The following HDLBP variants were observed in gnomAD, a reference collection of about 807,000 sequenced individuals.
HDLBP encodes the protein vigilin.
Under a neutral mutation model 137.3 loss-of-function variants are expected in HDLBP, and 30 were observed. That is an observed-to-expected ratio of 0.22 (90% CI 0.16 to 0.30). The LOEUF (loss-of-function observed/expected upper bound fraction) is 0.30, where lower values mean the gene tolerates loss of function less well. Among genes scored for constraint, HDLBP ranks in the 10% least tolerant of loss-of-function variants. The probability of loss-of-function intolerance (pLI) is 1.00; values close to 1 mark genes in which losing one functional copy is unlikely to be tolerated. For missense variants in HDLBP, 1,119 were observed against 1,667.3 expected, an observed-to-expected ratio of 0.67 and a Z score of 5.73; for synonymous variants, 606 against 596.0, an observed-to-expected ratio of 1.02 and a Z score of -0.24.
chr2:241,310,272 C>T (rs1654462509), intron 1 of HDLBP, among the ~76,000 whole-genome samples: 1 of 152,144 alleles, frequency 6.6e-6, no homozygotes, highest in Admixed American at 6.5e-5. Flanking sequence ...TTGAGAATAA[C>T]TTCCAGAAAG....
Position 241,259,187 on chromosome 2 carries a change from A to C in HDLBP, c.451-2381T>G, listed in dbSNP as rs147916556. On this transcript the variant is annotated intron_variant, in intron 5 of 27. Coordinates refer to ENST00000310931, the MANE Select transcript of HDLBP (RefSeq NM_005336.6). Reference sequence around the variant, plus strand: ...GATATGCAGACACCTCCAAAAAATAATAAAAGAAAAAAAGCAAGGCATAGA... The same window carrying C: ...GATATGCAGACACCTCCAAAAAATACTAAAAGAAAAAAAGCAAGGCATAGA... Among the ~76,000 whole-genome samples, 868 of 152,336 alleles carry C rather than the reference A, an allele frequency of 5.7e-3. 16 individuals carry two copies. The highest frequency in any genetic ancestry group is 0.019 in the African/African-American group (806 of 41,570).
intron 1 of HDLBP, among the ~76,000 whole-genome samples, chr2:241,300,066 A>AT (rs79956325): frequency 7.9e-5 from 12 of 151,076 alleles, no homozygotes; most frequent in East Asian, 5.8e-4. Context: ...TTCATAAAAG[A>AT]TTTTTTTTTT....
At chr2:241,271,841 G>A (rs989448912) in intron 1 of HDLBP, 16 of 152,230 alleles carry the variant, frequency 1.1e-4, no homozygotes, top group African/African-American at 3.6e-4. Flanking sequence ...TCCACTCAGA[G>A]ATCACAAGAT....
chr2:241,266,823 C>T lies in HDLBP; in HGVS notation c.47G>A (p.Arg16Gln). ...VLTQESFAEH[R>Q]SGLVPQQIKV... Reference sequence around the variant, plus strand: ...GATTTGTTGCGGAACCAGCCCACTTCGGTGTTCAGCAAAACTCTCTTGGGT... The same window carrying T: ...GATTTGTTGCGGAACCAGCCCACTTTGGTGTTCAGCAAAACTCTCTTGGGT... The change falls in exon 3 of 28, where the codon CGA becomes CAA. Residue 16 changes from arginine to glutamine, a missense_variant. Coordinates refer to ENST00000310931, the MANE Select transcript of HDLBP (RefSeq NM_005336.6). The T allele has an allele frequency of 6.2e-7, 1 of 1,613,282 alleles. No homozygotes were observed. The highest frequency in any genetic ancestry group is 8.5e-7 in the Non-Finnish European group (1 of 1,179,236).
chr2:241,240,140 A>C lies in HDLBP; in HGVS notation c.2170-18T>G. 6.2e-7 allele frequency: 1 copy of C among 1,612,784 alleles called. No individual in the cohort carries two copies. The highest frequency in any genetic ancestry group is 8.5e-7 in the Non-Finnish European group (1 of 1,178,804). On this transcript the variant is annotated intron_variant, in intron 17 of 27. Coordinates refer to ENST00000310931, the MANE Select transcript of HDLBP (RefSeq NM_005336.6). This position sits in a 1 kb window ranked among gnomAD's most constrained non-coding sequence, Gnocchi z 5.5. The stretch of plus-strand genomic sequence containing the variant: ...TTGGTTTGCTGCAGAAACCAATCCC[A>C]CTGTGTTAGCCTGACACCACGTGCC...
At chr2:241,296,100 C>CAAA (rs34959720) in intron 1 of HDLBP, among the ~76,000 whole-genome samples, 50 of 85,670 alleles carry the variant, frequency 5.8e-4, no homozygotes, top group African/African-American at 1.0e-3. Flanking sequence ...GAAAATTTTG[C>CAAA]AAAAAAAAAA....
At chr2:241,246,572 C>T (rs1254561896) in intron 16 of HDLBP, 180 bp downstream of exon 16, 3 of 617,438 alleles carry the variant, frequency 4.9e-6, no homozygotes, top group Non-Finnish European at 8.5e-6. Context: ...AAGTAAGTAT[C>T]GTGAGAGACA....
chr2:241,254,449 T>G (rs2072453716), intron 9 of HDLBP, among the ~76,000 whole-genome samples: 1 of 152,070 alleles, frequency 6.6e-6, no homozygotes, highest in African/African-American at 2.4e-5. Flanking sequence ...AAATTCACAC[T>G]TAATACAATT....
intron 1 of HDLBP, among the ~76,000 whole-genome samples, chr2:241,292,646 A>G (rs570361641): frequency 1.1e-4 from 16 of 152,324 alleles, no homozygotes; most frequent in African/African-American, 1.4e-4. Flanking sequence ...GAGGTGACTA[A>G]AAGTCTGAGA....
At chr2:241,280,824 C>T (rs759573511) in intron 1 of HDLBP, among the ~76,000 whole-genome samples, 5 of 152,176 alleles carry the variant, frequency 3.3e-5, no homozygotes, top group Non-Finnish European at 7.3e-5. Flanking sequence ...AAAATGGTAT[C>T]TAAAAGAACC....
chr2:241,306,659 C>T (rs1239346357), intron 1 of HDLBP, among the ~76,000 whole-genome samples: 1 of 151,902 alleles, frequency 6.6e-6, no homozygotes, highest in Non-Finnish European at 1.5e-5. Context: ...TATCACAGCA[C>T]TTCATTGGGA....
In HDLBP at chr2:241,247,028, A is replaced by C. The variant is rs190883565; in HGVS notation, c.1818+28T>G. The C allele has an allele frequency of 1.7e-4, 269 of 1,587,636 alleles. 1 individual carries two copies. The highest frequency in any genetic ancestry group is 1.2e-3 in the South Asian group (110 of 90,546). ...GGGCTACAGAGGACAAGGCAAGAAG[A>C]AGCAAGATGCAGCGGACAAGTTATC... On this transcript the variant is annotated intron_variant, in intron 15 of 27. Transcript: ENST00000310931.
intron 1 of HDLBP, among the ~76,000 whole-genome samples, chr2:241,292,277 G>A (rs1421528521): frequency 6.7e-6 from 1 of 148,772 alleles, no homozygotes; most frequent in African/African-American, 2.5e-5. Flanking sequence ...ACATTAGATA[G>A]TGCCACAACA....
rs148554464 is a variant in HDLBP at position 241,256,316 on chromosome 2, C to T, written c.741G>A (p.Glu247=). The T allele has an allele frequency of 1.9e-6, 3 of 1,614,156 alleles. No homozygotes were observed. Residue 247 remains glutamate, a synonymous_variant, in exon 7 of 28, where the codon GAG becomes GAA. Coordinates refer to ENST00000310931, the MANE Select transcript of HDLBP (RefSeq NM_005336.6). ...IAGPYNRLVG[E]IMQETGTRIN... ...TGCGCGTGCCTGTCTCCTGCATGAT[C>T]TCGCCAACCAGTCTATTATACGGCC...
chr2:241,267,760 C>A, intron 2 of HDLBP: 1 of 1,519,856 alleles, frequency 6.6e-7, no homozygotes, highest in Non-Finnish European at 8.8e-7. Flanking sequence ...AGTAACAGAC[C>A]CACAAATTGC....
Position 241,272,550 on chromosome 2 carries a change from C to T in HDLBP, c.-102-4009G>A. 1 of 984,566 alleles carries T rather than the reference C, an allele frequency of 1.0e-6. No homozygotes were observed. 61.0% of individuals were successfully genotyped at this position (984,566 alleles called of 1,614,324 possible). On this transcript the variant is annotated intron_variant, in intron 1 of 27. Transcript: ENST00000310931. The surrounding 1 kb of genome is among the most constrained non-coding windows in gnomAD (Gnocchi z 5.6). ...CGCGCAGAAGAGACTCGGAGCCGGC[C>T]CCAGGTCTGGCCCGGAACCGCCACG...
chr2:241,273,107 G>C, intron 1 of HDLBP: 1 of 985,536 alleles, frequency 1.0e-6, no homozygotes, highest in East Asian at 1.1e-4. Flanking sequence ...AAGGGAGCAG[G>C]AAGGACGGCT....
At position 241,272,459 on chromosome 2, in the gene HDLBP, C is replaced by T. The variant is rs572925635; in HGVS notation, c.-102-3918G>A. The stretch of plus-strand genomic sequence containing the variant: ...GAGGCGGGGGAGCCCAGCTTGCAGC[C>T]AAGAGCGGCCCAGCGGCGCCACCGG... On this transcript the variant is annotated intron_variant, in intron 1 of 27. Transcript: ENST00000310931. This position sits in a 1 kb window ranked among gnomAD's most constrained non-coding sequence, Gnocchi z 5.6. 1,278 of 984,508 alleles carry T rather than the reference C, an allele frequency of 1.3e-3. 2 individuals carry two copies. The highest frequency in any genetic ancestry group is 5.8e-3 in the Middle Eastern group (11 of 1,910). 61.0% of individuals were successfully genotyped at this position (984,508 alleles called of 1,614,324 possible).
intron 7 of HDLBP, among the ~76,000 whole-genome samples, chr2:241,255,962 C>T (rs1408251094): frequency 6.6e-6 from 1 of 152,214 alleles, no homozygotes; most frequent in Non-Finnish European, 1.5e-5. Flanking sequence ...CCTGTCAGCA[C>T]AGTCAGAGGC....
Sources: gnomAD v4.1 joint callset for allele counts (sites outside exome capture counted in the v4.1 genomes callset) on GRCh38, gnomAD v4.1.1 for gene constraint, Gnocchi (gnomAD v3.1) non-coding constraint, MANE v1.5 for transcripts, NCBI Gene and HGNC (gene_info 2026-07-23, HGNC 2026-07-21) for gene names.